SLC4A10: variants seen among roughly 807,000 people sequenced by gnomAD.
SLC4A10 encodes the protein solute carrier family 4 member 10.
A neutral mutation model predicts 137.7 loss-of-function variants in SLC4A10; 42 were observed. That is an observed-to-expected ratio of 0.30 (90% confidence interval 0.24 to 0.39). The LOEUF is 0.39. Ranked by LOEUF, SLC4A10 falls within the 10% of genes least tolerant of loss-of-function variation. The probability of loss-of-function intolerance (pLI) is 1.00; values close to 1 mark genes in which losing one functional copy is unlikely to be tolerated. For missense variants in SLC4A10, 925 were observed against 1,355.0 expected (o/e 0.68, Z 4.98); for synonymous variants, 474 against 464.1 (o/e 1.02, Z -0.27).
At chr2:161,883,596 G>C (rs867972936) in intron 10 of SLC4A10, among the ~76,000 whole-genome samples, 2 of 152,128 alleles carry the variant, frequency 1.3e-5, no homozygotes, top group South Asian at 4.1e-4. Flanking sequence ...ACAGTAGTTT[G>C]TTTTCTAACA....
chr2:161,882,587 C>G, intron 10 of SLC4A10, 143 bp downstream of exon 10: 1 of 472,882 alleles, frequency 2.1e-6, no homozygotes, highest in Non-Finnish European at 3.7e-6. Context: ...TATAAAATCT[C>G]CTTTAGAAAA....
chr2:161,838,309 C>T (rs954438735), intron 3 of SLC4A10, among the ~76,000 whole-genome samples: 1 of 151,818 alleles, frequency 6.6e-6, no homozygotes, highest in African/African-American at 2.4e-5. Context: ...AATTAAACCT[C>T]ATATCTTATA....
chr2:161,874,571 A>C lies in SLC4A10; in HGVS notation c.948+566A>C, dbSNP rs932980975. 1.2e-4 allele frequency among the ~76,000 whole-genome samples: 19 copies of C among 152,154 alleles called. 1 individual carries two copies. The highest frequency in any genetic ancestry group is 1.1e-3 in the Admixed American group (17 of 15,280). ...GTCAAACTTCGATTTCCTTTCTTTT[A>C]ATCCTTTTCTTTCTCTTCACATTTG... On this transcript the variant is annotated intron_variant, in intron 8 of 26. Coordinates refer to ENST00000446997, the MANE Select transcript of SLC4A10 (RefSeq NM_001178015.2).
chr2:161,808,628 C>T (rs534794704), intron 3 of SLC4A10, among the ~76,000 whole-genome samples: 1 of 152,142 alleles, frequency 6.6e-6, no homozygotes, highest in East Asian at 1.9e-4. Context: ...TACATAAGTA[C>T]CCAATGTTTA....
intron 1 of SLC4A10, among the ~76,000 whole-genome samples, chr2:161,734,048 G>A (rs770405855): frequency 7.9e-5 from 12 of 152,080 alleles, no homozygotes; most frequent in Admixed American, 2.0e-4. Context: ...TTGATTTTAC[G>A]GCTCATAAGC....
intron 15 of SLC4A10, among the ~76,000 whole-genome samples, chr2:161,935,442 A>G (rs561365348): frequency 1.3e-5 from 2 of 152,268 alleles, no homozygotes; most frequent in South Asian, 2.1e-4. Context: ...GGCAGGGATT[A>G]TATTGAATCT....
intron 6 of SLC4A10, among the ~76,000 whole-genome samples, chr2:161,864,739 A>G (rs2060633183): frequency 6.6e-6 from 1 of 152,170 alleles, no homozygotes; most frequent in African/African-American, 2.4e-5. Context: ...CATATATTTA[A>G]AACATATTTA....
At chr2:161,734,498 GAA>G (rs2047129385) in intron 1 of SLC4A10, among the ~76,000 whole-genome samples, 1 of 151,536 alleles carries the variant, frequency 6.6e-6, no homozygotes, top group African/African-American at 2.4e-5. Flanking sequence ...TAAGTCCAAT[GAA>G]ACCTCTTTTT....
intron 1 of SLC4A10, among the ~76,000 whole-genome samples, chr2:161,730,020 C>A (rs554228486): frequency 4.6e-5 from 7 of 152,228 alleles, no homozygotes; most frequent in South Asian, 4.1e-4. Flanking sequence ...CCCAAACAGG[C>A]TAAAATGTAG....
chr2:161,838,841 C>T (rs1047779273), intron 3 of SLC4A10, among the ~76,000 whole-genome samples: 1 of 152,202 alleles, frequency 6.6e-6, no homozygotes, highest in African/African-American at 2.4e-5. Flanking sequence ...AGAACAACTG[C>T]AACTCTCTTG....
At chr2:161,832,702 C>A (rs569351424) in intron 3 of SLC4A10, among the ~76,000 whole-genome samples, 11 of 151,896 alleles carry the variant, frequency 7.2e-5, no homozygotes, top group African/African-American at 2.7e-4. Context: ...GAGAGAGGAA[C>A]AAGTTTGCAT....
intron 3 of SLC4A10, among the ~76,000 whole-genome samples, chr2:161,814,862 C>T (rs1308305135): frequency 6.6e-6 from 1 of 152,066 alleles, no homozygotes; most frequent in East Asian, 1.9e-4. Flanking sequence ...ATACCCCAAA[C>T]CTCAGCATCA....
intron 1 of SLC4A10, among the ~76,000 whole-genome samples, chr2:161,687,469 G>A (rs187181375): frequency 1.2e-3 from 176 of 152,180 alleles, no homozygotes; most frequent in African/African-American, 2.8e-3. Flanking sequence ...CAATCACAGC[G>A]TAATTCAGCC....
intron 10 of SLC4A10, among the ~76,000 whole-genome samples, chr2:161,885,388 G>A (rs946943239): frequency 6.6e-6 from 1 of 152,062 alleles, no homozygotes; most frequent in African/African-American, 2.4e-5. Flanking sequence ...ATTCTTCCAA[G>A]TGCTCAAATA....
In SLC4A10 at chr2:161,949,787, T is replaced by C. The variant is rs566054373; in HGVS notation, c.2379+526T>C. ...GTTTGGGGTGGGGCCCAAGTCTAAA[T>C]ACAAAATTTATGTTTCATATATACC... On this transcript the variant is annotated intron_variant, in intron 18 of 26. Coordinates refer to ENST00000446997, the MANE Select transcript of SLC4A10 (RefSeq NM_001178015.2). Among the ~76,000 whole-genome samples, 5 of 152,036 alleles carry C rather than the reference T, an allele frequency of 3.3e-5. No homozygotes were observed. In the South Asian group the frequency reaches 1.0e-3, roughly 32 times the overall value.
At position 161,691,394 on chromosome 2, in the gene SLC4A10, T is replaced by C. The variant is rs1051407125; in HGVS notation, c.48+66828T>C. ...AAAAATAGAAAGAATGAATAAGACCTAGTATTTGATAGCACAACAGAGTGA... is the reference window on the plus strand; with the variant it reads ...AAAAATAGAAAGAATGAATAAGACCCAGTATTTGATAGCACAACAGAGTGA... On this transcript the variant is annotated intron_variant, in intron 1 of 26. Coordinates refer to ENST00000446997, the MANE Select transcript of SLC4A10 (RefSeq NM_001178015.2). Among the ~76,000 whole-genome samples the C allele has an allele frequency of 6.6e-5, 10 of 151,860 alleles. No homozygotes were observed. In the East Asian group the frequency reaches 1.7e-3, roughly 27 times the overall value.
chr2:161,736,513 A>G (rs61146825), intron 1 of SLC4A10, among the ~76,000 whole-genome samples: 52 of 152,348 alleles, frequency 3.4e-4, no homozygotes, highest in African/African-American at 1.2e-3. Flanking sequence ...ACTTACAGTC[A>G]TGGTGGAAGG....
intron 2 of SLC4A10, among the ~76,000 whole-genome samples, chr2:161,786,185 C>G (rs1559246301): frequency 6.6e-6 from 1 of 150,988 alleles, no homozygotes; most frequent in African/African-American, 2.4e-5. Context: ...TATTCTTTGT[C>G]TTTTTTTTAA....
chr2:161,924,903 C>T (rs1483949067), intron 15 of SLC4A10, among the ~76,000 whole-genome samples: 5 of 152,092 alleles, frequency 3.3e-5, no homozygotes, highest in Non-Finnish European at 7.4e-5. Flanking sequence ...CATCAGGTTT[C>T]GATGGGGTTA....
Sources: gnomAD v4.1 joint callset for allele counts (sites outside exome capture counted in the v4.1 genomes callset) on GRCh38, gnomAD v4.1.1 for gene constraint, MANE v1.5 for transcripts, NCBI Gene and HGNC (gene_info 2026-07-23, HGNC 2026-07-21) for gene names.